Variants in KAZN observed in about 807,000 individuals in gnomAD.
KAZN encodes kazrin.
A neutral mutation model predicts 87.4 loss-of-function variants in KAZN; 40 were observed. The ratio of observed to expected loss-of-function variants is 0.46; its 90% CI spans 0.36 to 0.60. The LOEUF is 0.60. Ranked by LOEUF, KAZN falls within the 20% of genes least tolerant of loss-of-function variation. KAZN has a pLI of 0.00. For missense variants in KAZN, 898 were observed against 1,073.9 expected, an observed-to-expected ratio of 0.84 and a Z score of 2.29; for synonymous variants, 466 against 458.3, an observed-to-expected ratio of 1.02 and a Z score of -0.22.
intron 2 of KAZN, among the ~76,000 whole-genome samples, chr1:14,200,830 A>G (rs1357762784): frequency 3.3e-5 from 5 of 151,754 alleles, no homozygotes; most frequent in Non-Finnish European, 7.4e-5. Flanking sequence ...GTGAACACCC[A>G]CCAAGAGTCT....
At chr1:15,050,159 GGA>G (rs141820537) in intron 4 of KAZN, among the ~76,000 whole-genome samples, 7,466 of 131,290 alleles carry the variant, frequency 0.057, 371 homozygotes, top group African/African-American at 0.12. Context: ...AGAATAGAAT[GGA>G]ATAGAATAGA....
intron 2 of KAZN, among the ~76,000 whole-genome samples, chr1:14,276,989 A>G (rs1652407730): frequency 6.6e-6 from 1 of 152,174 alleles, no homozygotes; most frequent in South Asian, 2.1e-4. Context: ...TTTTCCTTAT[A>G]CAATTGTCCT....
chr1:13,919,435 G>A (rs937443994), intron 1 of KAZN, among the ~76,000 whole-genome samples: 5 of 152,178 alleles, frequency 3.3e-5, no homozygotes, highest in South Asian at 2.1e-4. Context: ...TATCACACAC[G>A]TTTAATATGT....
rs577546358 is a variant in KAZN at position 15,070,966 on chromosome 1, C to G, written c.1222+5213C>G. The stretch of plus-strand genomic sequence containing the variant: ...CCACTGGGCGGGGCAAAATATGCCC[C>G]GGTCCCTGGCCCCCACCTGTTCCCA... On this transcript the variant is annotated intron_variant, in intron 8 of 14. Coordinates refer to ENST00000376030, the MANE Select transcript of KAZN (RefSeq NM_201628.3). Among the ~76,000 whole-genome samples the G allele has an allele frequency of 2.0e-5, 3 of 152,328 alleles. No individual in the cohort carries two copies. The East Asian group carries it at 5.8e-4, about 29-fold the overall frequency.
intron 2 of KAZN, among the ~76,000 whole-genome samples, chr1:14,254,133 G>A (rs1362173271): frequency 6.6e-6 from 1 of 152,134 alleles, no homozygotes; most frequent in Non-Finnish European, 1.5e-5. Flanking sequence ...TAATTAGGGG[G>A]AAAGAAGAGG....
At chr1:14,429,950 G>T (rs1350124890) in intron 2 of KAZN, among the ~76,000 whole-genome samples, 1 of 151,922 alleles carries the variant, frequency 6.6e-6, no homozygotes, top group Non-Finnish European at 1.5e-5. Context: ...TCCTGTCCCT[G>T]CATCTCCTGA....
At chr1:14,378,367 A>G (rs1661085232) in intron 2 of KAZN, among the ~76,000 whole-genome samples, 1 of 152,224 alleles carries the variant, frequency 6.6e-6, no homozygotes, top group African/African-American at 2.4e-5. Flanking sequence ...GTCTCCACCA[A>G]TCATCCCCCA....
chr1:14,832,849 A>G (rs1647090560), intron 1 of KAZN, among the ~76,000 whole-genome samples: 1 of 152,196 alleles, frequency 6.6e-6, no homozygotes. Flanking sequence ...TGAAAGTTAC[A>G]TGAAATTCAC....
chr1:14,658,977 G>A (rs1337700245), intron 1 of KAZN, among the ~76,000 whole-genome samples: 1 of 152,138 alleles, frequency 6.6e-6, no homozygotes, highest in Non-Finnish European at 1.5e-5. Context: ...AATGGCTCAC[G>A]CCTGTAATCT....
intron 1 of KAZN, among the ~76,000 whole-genome samples, chr1:13,928,425 T>C (rs1052103325): frequency 6.6e-6 from 1 of 152,226 alleles, no homozygotes; most frequent in African/African-American, 2.4e-5. Context: ...TCTTTTCTTA[T>C]TGTTCTGTTA....
intron 2 of KAZN, among the ~76,000 whole-genome samples, chr1:14,202,381 A>G (rs1335615320): frequency 6.6e-6 from 1 of 152,224 alleles, no homozygotes; most frequent in Non-Finnish European, 1.5e-5. Context: ...ACTAGCTGAG[A>G]CAGCATTACC....
intron 1 of KAZN, among the ~76,000 whole-genome samples, chr1:14,066,637 G>T (rs191531581): frequency 6.6e-6 from 1 of 152,210 alleles, no homozygotes; most frequent in African/African-American, 2.4e-5. Context: ...TTGCCCTGAA[G>T]TTGCCGCCCT....
intron 2 of KAZN, among the ~76,000 whole-genome samples, chr1:14,969,242 T>A (rs1664770905): frequency 6.6e-6 from 1 of 152,248 alleles, no homozygotes; most frequent in African/African-American, 2.4e-5. Flanking sequence ...CAGCACTGTG[T>A]GGGTTTGAAA....
At chr1:14,658,275 A>G (rs1364028439) in intron 1 of KAZN, among the ~76,000 whole-genome samples, 1 of 152,224 alleles carries the variant, frequency 6.6e-6, no homozygotes, top group Non-Finnish European at 1.5e-5. Flanking sequence ...AGTGAAGATC[A>G]TAACTAGGAG....
chr1:15,041,450 G>T (rs1460022872), intron 3 of KAZN, among the ~76,000 whole-genome samples: 1 of 149,500 alleles, frequency 6.7e-6, no homozygotes, highest in South Asian at 2.1e-4. Flanking sequence ...CGATTCTCCT[G>T]CCTCAGCCTC....
At chr1:14,395,702 G>C (rs1481484488) in intron 2 of KAZN, among the ~76,000 whole-genome samples, 1 of 152,150 alleles carries the variant, frequency 6.6e-6, no homozygotes, top group Non-Finnish European at 1.5e-5. Flanking sequence ...AGAAATGTCA[G>C]CCTCCCAGGG....
intron 1 of KAZN, among the ~76,000 whole-genome samples, chr1:14,038,955 G>C (rs941228504): frequency 1.3e-5 from 2 of 152,012 alleles, no homozygotes; most frequent in Non-Finnish European, 2.9e-5. Context: ...CATGAGGTCA[G>C]GAGATTGAGA....
At chr1:14,739,836 G>A (rs1644031883) in intron 1 of KAZN, among the ~76,000 whole-genome samples, 1 of 152,074 alleles carries the variant, frequency 6.6e-6, no homozygotes, top group Admixed American at 6.6e-5. Flanking sequence ...GAGAGCCTGC[G>A]AGGAATTCAT....
intron 1 of KAZN, among the ~76,000 whole-genome samples, chr1:14,126,895 C>G (rs1314009122): frequency 1.3e-5 from 2 of 152,210 alleles, no homozygotes; most frequent in Non-Finnish European, 2.9e-5. Flanking sequence ...CATTTGAGAT[C>G]AGGAGTTCAA....
Sources: allele counts gnomAD v4.1 joint callset (sites outside exome capture counted in the v4.1 genomes callset), GRCh38; gene constraint gnomAD v4.1.1; transcripts MANE v1.5; gene names NCBI Gene and HGNC (gene_info 2026-07-23, HGNC 2026-07-21).